The following NPAS3 variants were observed in gnomAD, a reference collection of about 807,000 sequenced individuals.
The protein encoded by NPAS3 is neuronal PAS domain protein 3, also known as neuronal PAS domain-containing protein 3.
A neutral mutation model predicts 73.1 loss-of-function variants in NPAS3; 14 were observed. The ratio of observed to expected loss-of-function variants is 0.19; its 90% CI spans 0.13 to 0.30. The LOEUF (loss-of-function observed/expected upper bound fraction) is 0.30, where lower values mean the gene tolerates loss of function less well. NPAS3 is among the 10% of genes least tolerant of loss of function. NPAS3 has a pLI of 1.00. For missense variants in NPAS3, 1,096 were observed against 1,250.0 expected (o/e 0.88, Z 1.86); for synonymous variants, 620 against 541.5 (o/e 1.14, Z -2.01).
intron 6 of NPAS3, among the ~76,000 whole-genome samples, chr14:33,707,613 G>A (rs2060692696): frequency 6.6e-6 from 1 of 152,204 alleles, no homozygotes; most frequent in African/African-American, 2.4e-5. Flanking sequence ...AATGCAGTCG[G>A]GTGGAAAAGT....
chr14:33,365,200 T>TAAAAAAAAAA (rs1444079999), intron 3 of NPAS3, among the ~76,000 whole-genome samples: 1 of 4,494 alleles, frequency 2.2e-4, no homozygotes, highest in Non-Finnish European at 3.9e-4. Flanking sequence ...CCCCATAATC[T>TAAAAAAAAAA]CAAAAAAAAA....
intron 1 of NPAS3, among the ~76,000 whole-genome samples, chr14:32,955,107 G>C (rs1254935693): frequency 6.6e-6 from 1 of 151,950 alleles, no homozygotes; most frequent in Non-Finnish European, 1.5e-5. Context: ...TAAAAGGCTT[G>C]GTCAAAAGAA....
At chr14:33,041,951 C>T (rs991408065) in intron 1 of NPAS3, among the ~76,000 whole-genome samples, 5 of 152,160 alleles carry the variant, frequency 3.3e-5, no homozygotes, top group Non-Finnish European at 5.9e-5. Flanking sequence ...TCTTGGGAAG[C>T]ATGAGAGTTG....
Position 33,335,328 on chromosome 14 carries a change from A to G in NPAS3, c.386-31858A>G, listed in dbSNP as rs950876041. Among the ~76,000 whole-genome samples the G allele has an allele frequency of 8.5e-5, 13 of 152,264 alleles. No homozygotes were observed. The South Asian group carries it at 1.0e-3, about 12-fold the overall frequency. ...AGGTTTAAAATGGCATGGGCTAGGTACATTCAGGGGTCAAATGACTGCCTG... is the reference window on the plus strand; with the variant it reads ...AGGTTTAAAATGGCATGGGCTAGGTGCATTCAGGGGTCAAATGACTGCCTG... On this transcript the variant is annotated intron_variant, in intron 3 of 11. Coordinates refer to ENST00000356141, the Ensembl canonical transcript of NPAS3.
intron 6 of NPAS3, among the ~76,000 whole-genome samples, chr14:33,725,472 A>T (rs538576506): frequency 1.4e-4 from 22 of 152,216 alleles, no homozygotes; most frequent in African/African-American, 3.9e-4. Context: ...GGATTTTTTT[A>T]AATTTTCCTA....
Position 33,311,646 on chromosome 14 carries a change from G to A in NPAS3, c.386-55540G>A, listed in dbSNP as rs568349189. ...CCTTAATTCATGCATGCATGAGTCC[G>A]TCCCATCAATCCAACTCTGAGTATT... On this transcript the variant is annotated intron_variant, in intron 3 of 11. Transcript: ENST00000356141. 8.5e-5 allele frequency among the ~76,000 whole-genome samples: 13 copies of A among 152,158 alleles called. No individual in the cohort carries two copies. In the South Asian group the frequency reaches 1.2e-3, roughly 15 times the overall value.
intron 4 of NPAS3, among the ~76,000 whole-genome samples, chr14:33,390,027 TAG>T (rs1256790845): frequency 7.7e-6 from 1 of 130,058 alleles, no homozygotes; most frequent in Non-Finnish European, 1.6e-5. Flanking sequence ...AGATGTCATC[TAG>T]AATGATTTGT....
chr14:33,198,240 T>C lies in NPAS3; in HGVS notation c.141-16942T>C, dbSNP rs577596260. Among the ~76,000 whole-genome samples the C allele has an allele frequency of 3.3e-5, 5 of 152,254 alleles. No homozygotes were observed. In the East Asian group the frequency reaches 7.8e-4, roughly 24 times the overall value. ...GCAAAAGAACAAAGCTTCCACAGCA[T>C]GGAAGGGGACCCAAGCAGTTTGCCC... On this transcript the variant is annotated intron_variant, in intron 2 of 11. Coordinates refer to ENST00000356141, the Ensembl canonical transcript of NPAS3.
downstream of NPAS3, chr14:33,801,213 C>G: frequency 1.3e-6 from 2 of 1,495,462 alleles, no homozygotes; most frequent in South Asian, 2.6e-5. Context: ...AGCAGGTCAG[C>G]GTCTTCTCTC....
At chr14:33,590,087 G>GA (rs2057009146) in intron 5 of NPAS3, among the ~76,000 whole-genome samples, 1 of 151,972 alleles carries the variant, frequency 6.6e-6, no homozygotes, top group African/African-American at 2.4e-5. Flanking sequence ...GATGTCTCTG[G>GA]AAAAAATGCA....
chr14:33,339,714 T>C (rs1424429555), intron 3 of NPAS3, among the ~76,000 whole-genome samples: 2 of 151,832 alleles, frequency 1.3e-5, no homozygotes, highest in Non-Finnish European at 2.9e-5. Context: ...ACAGTTGAGG[T>C]CTAATTTGGA....
intron 3 of NPAS3, among the ~76,000 whole-genome samples, chr14:33,343,108 G>A (rs2044562363): frequency 6.6e-6 from 1 of 152,112 alleles, no homozygotes; most frequent in African/African-American, 2.4e-5. Flanking sequence ...GCTTTGCATT[G>A]AAATTCCGCA....
intron 2 of NPAS3, among the ~76,000 whole-genome samples, chr14:33,063,023 G>A (rs867121160): frequency 9.9e-5 from 15 of 152,154 alleles, no homozygotes; most frequent in Non-Finnish European, 2.1e-4. Context: ...ATTGCTAGCG[G>A]TGGTTAAATC....
intron 1 of NPAS3, among the ~76,000 whole-genome samples, chr14:32,981,728 C>A (rs1196830726): frequency 6.6e-6 from 1 of 152,152 alleles, no homozygotes; most frequent in Non-Finnish European, 1.5e-5. Flanking sequence ...AGCACAAGTC[C>A]TGCTTCATCT....
At chr14:33,514,285 C>T (rs933530027) in intron 4 of NPAS3, among the ~76,000 whole-genome samples, 5 of 152,124 alleles carry the variant, frequency 3.3e-5, no homozygotes, top group Admixed American at 2.0e-4. Flanking sequence ...TTGTCCCACA[C>T]CTCTTTGTCT....
At chr14:33,376,500 T>G (rs2046318325) in intron 4 of NPAS3, among the ~76,000 whole-genome samples, 1 of 152,294 alleles carries the variant, frequency 6.6e-6, no homozygotes, top group African/African-American at 2.4e-5. Flanking sequence ...AGTGTAAAAT[T>G]TGAGTCCTTC....
intron 2 of NPAS3, among the ~76,000 whole-genome samples, chr14:33,184,231 G>A (rs1013453976): frequency 1.3e-5 from 2 of 152,120 alleles, no homozygotes; most frequent in Non-Finnish European, 2.9e-5. Flanking sequence ...CAGAGAAAGC[G>A]ACTGCTAAGG....
At chr14:33,066,510 A>G (rs1017537689) in intron 2 of NPAS3, among the ~76,000 whole-genome samples, 7 of 152,344 alleles carry the variant, frequency 4.6e-5, no homozygotes, top group Non-Finnish European at 7.3e-5. Flanking sequence ...CTAGAAAACT[A>G]AAATTATGGG....
At position 33,323,147 on chromosome 14, in the gene NPAS3, C is replaced by A. The variant is rs1227328097; in HGVS notation, c.386-44039C>A. On this transcript the variant is annotated intron_variant, in intron 3 of 11. Coordinates refer to ENST00000356141, the Ensembl canonical transcript of NPAS3. The stretch of plus-strand genomic sequence containing the variant: ...TATTTGTTGAAAGAATGCTTTACAG[C>A]ACATCAGGGTCGCCAAGACTATTCA... Among the ~76,000 whole-genome samples, 3 of 152,272 alleles carry A rather than the reference C, an allele frequency of 2.0e-5. No homozygotes were observed. The East Asian group carries it at 5.8e-4, about 29-fold the overall frequency.
Sources: allele counts gnomAD v4.1 joint callset (sites outside exome capture counted in the v4.1 genomes callset), GRCh38; gene constraint gnomAD v4.1.1; transcripts MANE v1.5; gene names NCBI Gene and HGNC (gene_info 2026-07-23, HGNC 2026-07-21).